Variants in ENTREP2 observed in about 807,000 individuals in gnomAD.
The protein encoded by ENTREP2 is protein ENTREP2.
chr15:29,324,105 A>G, the ENTREP2 span, among the ~76,000 whole-genome samples: 3 of 109,096 alleles, frequency 2.7e-5, no homozygotes, highest in African/African-American at 1.8e-4. Flanking sequence ...AACATAGTAG[A>G]ATTTTTTTTT....
chr15:29,207,385 G>C, the ENTREP2 span, among the ~76,000 whole-genome samples: 1 of 129,876 alleles, frequency 7.7e-6, no homozygotes, highest in Non-Finnish European at 1.6e-5. Flanking sequence ...TGATAACAAA[G>C]TTTATTACGA....
the ENTREP2 span, among the ~76,000 whole-genome samples, chr15:29,444,835 G>A: frequency 2.0e-5 from 3 of 152,212 alleles, no homozygotes; most frequent in Non-Finnish European, 4.4e-5. Context: ...TGGCTAGAGA[G>A]GCTCCACAGT....
At chr15:29,656,965 TTA>T in the ENTREP2 span, among the ~76,000 whole-genome samples, 2 of 152,152 alleles carry the variant, frequency 1.3e-5, no homozygotes, top group African/African-American at 4.8e-5. Flanking sequence ...CACCTTGTGA[TTA>T]TGTGTCTGCA....
At chr15:29,623,180 G>A in the ENTREP2 span, among the ~76,000 whole-genome samples, 1 of 152,108 alleles carries the variant, frequency 6.6e-6, no homozygotes, top group Non-Finnish European at 1.5e-5. Flanking sequence ...GGTAGCTCCT[G>A]GGGCCGTCTT....
At chr15:29,207,954 G>T in the ENTREP2 span, among the ~76,000 whole-genome samples, 1 of 152,086 alleles carries the variant, frequency 6.6e-6, no homozygotes, top group Non-Finnish European at 1.5e-5. Context: ...CCATCAGTGG[G>T]GGTCACCCCA....
At chr15:29,280,683 G>T in the ENTREP2 span, among the ~76,000 whole-genome samples, 2 of 152,238 alleles carry the variant, frequency 1.3e-5, no homozygotes, top group Admixed American at 1.3e-4. Flanking sequence ...GGACCCTGCT[G>T]CCTGGTGATG....
the ENTREP2 span, among the ~76,000 whole-genome samples, chr15:29,439,766 ATCC>A: frequency 6.6e-6 from 1 of 152,316 alleles, no homozygotes; most frequent in East Asian, 1.9e-4. Context: ...GCAAAGCTTA[ATCC>A]TCCTCCTCTT....
the ENTREP2 span, chr15:29,252,270 T>C: frequency 4.5e-6 from 3 of 664,372 alleles, no homozygotes; most frequent in East Asian, 8.6e-5. Flanking sequence ...AAAGTGTACA[T>C]GAGAACCTAA....
At chr15:29,413,791 G>C in the ENTREP2 span, among the ~76,000 whole-genome samples, 3 of 152,088 alleles carry the variant, frequency 2.0e-5, no homozygotes, top group Non-Finnish European at 4.4e-5. Context: ...TCAAAATAAA[G>C]GGATGGAGGA....
the ENTREP2 span, among the ~76,000 whole-genome samples, chr15:29,496,386 TAAATAAAATA>T: frequency 2.0e-5 from 3 of 151,574 alleles, 1 homozygote; most frequent in South Asian, 2.1e-4. Context: ...ATAAAATAAA[TAAATAAAATA>T]AAATAAAATA....
At chr15:29,482,888 G>C in the ENTREP2 span, among the ~76,000 whole-genome samples, 1 of 152,210 alleles carries the variant, frequency 6.6e-6, no homozygotes. Context: ...TAGGGTAAGA[G>C]TATGTTTCAT....
At chr15:29,637,285 G>C in the ENTREP2 span, among the ~76,000 whole-genome samples, 1 of 152,190 alleles carries the variant, frequency 6.6e-6, no homozygotes, top group African/African-American at 2.4e-5. Context: ...ATAGTAGGGG[G>C]TGGCAATGAC....
At chr15:29,120,364 A>G in the ENTREP2 span, 1 of 152,264 alleles carries the variant, frequency 6.6e-6, no homozygotes, top group Admixed American at 6.5e-5. Flanking sequence ...TGGCTTGAAA[A>G]CAATTTCCTA....
the ENTREP2 span, chr15:29,120,266 C>A: frequency 6.8e-6 from 1 of 146,236 alleles, no homozygotes; most frequent in Non-Finnish European, 1.5e-5. Context: ...AGAAATACTT[C>A]TTTTTATTAA....
the ENTREP2 span, among the ~76,000 whole-genome samples, chr15:29,474,804 G>A: frequency 6.6e-6 from 1 of 152,046 alleles, no homozygotes; most frequent in Non-Finnish European, 1.5e-5. Context: ...ATTTACTCGC[G>A]CCTCAGCCTC....
At chr15:29,214,569 A>T in the ENTREP2 span, among the ~76,000 whole-genome samples, 1 of 152,146 alleles carries the variant, frequency 6.6e-6, no homozygotes, top group African/African-American at 2.4e-5. Flanking sequence ...GGATAGCATT[A>T]GGAGATATAC....
the ENTREP2 span, chr15:29,269,712 G>C: frequency 1.7e-5 from 26 of 1,517,380 alleles, no homozygotes; most frequent in Admixed American, 1.7e-4. Context: ...ACATGTCTCC[G>C]GCGGCAGGTG....
At chr15:29,374,996 A>C in the ENTREP2 span, 1 of 152,214 alleles carries the variant, frequency 6.6e-6, no homozygotes, top group South Asian at 2.1e-4. Context: ...GTAATCTTTG[A>C]TTAGATGATA....
the ENTREP2 span, among the ~76,000 whole-genome samples, chr15:29,589,481 C>A: frequency 6.6e-6 from 1 of 152,184 alleles, no homozygotes; most frequent in Non-Finnish European, 1.5e-5. Flanking sequence ...AGATGCTGTT[C>A]TGGAATCTGC....
Sources: allele counts gnomAD v4.1 joint callset (sites outside exome capture counted in the v4.1 genomes callset), GRCh38; gene constraint gnomAD v4.1.1; transcripts MANE v1.5; gene names NCBI Gene and HGNC (gene_info 2026-07-23, HGNC 2026-07-21).